TOM1L1: variants seen among roughly 807,000 people sequenced by gnomAD.
The protein encoded by TOM1L1 is target of myb1 like 1 membrane trafficking protein.
In TOM1L1, 64 loss-of-function variants were observed where a neutral mutation model predicts 63.4. That is an observed-to-expected ratio of 1.01 (90% CI 0.83 to 1.24). The LOEUF (loss-of-function observed/expected upper bound fraction) is 1.24, where lower values mean the gene tolerates loss of function less well. Among genes scored for constraint, TOM1L1 ranks in the 50% most tolerant of loss-of-function variants. The probability of loss-of-function intolerance (pLI) is 0.00; values close to 1 mark genes in which losing one functional copy is unlikely to be tolerated. For synonymous variants in TOM1L1, 166 were observed against 194.4 expected, an observed-to-expected ratio of 0.85 and a Z score of 1.22; for missense variants, 536 against 567.0, an observed-to-expected ratio of 0.95 and a Z score of 0.55.
intron 7 of TOM1L1, chr17:54,916,124 G>C (rs1013070688): frequency 2.4e-6 from 1 of 417,272 alleles, no homozygotes; most frequent in Non-Finnish European, 4.2e-6. Flanking sequence ...CAATTCTCTA[G>C]TTGTTTTAAG....
chr17:54,930,233 C>G (rs1311329806), intron 8 of TOM1L1, 27 bp downstream of exon 8: 2 of 1,612,838 alleles, frequency 1.2e-6, no homozygotes, highest in Non-Finnish European at 1.7e-6. Context: ...CCCTCTTTAC[C>G]CCTCTTCCAT....
chr17:54,938,745 G>A (rs2048990751), intron 10 of TOM1L1, 179 bp from the exon 11 acceptor site: 1 of 488,132 alleles, frequency 2.0e-6, no homozygotes, highest in Non-Finnish European at 3.6e-6. Context: ...TTCTCTTAGA[G>A]CTAGGAAATC....
chr17:54,912,145 C>T (rs996633248), intron 3 of TOM1L1, among the ~76,000 whole-genome samples: 28 of 152,284 alleles, frequency 1.8e-4, no homozygotes, highest in Non-Finnish European at 7.4e-5. Flanking sequence ...TTTTGCAAAG[C>T]CCAGCTTCCA....
intron 10 of TOM1L1, 138 bp from the exon 11 acceptor site, chr17:54,938,786 A>G: frequency 1.9e-6 from 1 of 526,692 alleles, no homozygotes; most frequent in South Asian, 3.0e-5. Context: ...AAATATCTAA[A>G]TTAATCTCTT....
intron 3 of TOM1L1, chr17:54,906,649 G>A (rs764335290): frequency 3.0e-5 from 16 of 525,870 alleles, no homozygotes; most frequent in South Asian, 8.3e-5. Flanking sequence ...GCTGCCTGGC[G>A]TGATTTGGAG....
At chr17:54,940,358 C>T (rs935635302) in intron 11 of TOM1L1, among the ~76,000 whole-genome samples, 1 of 152,188 alleles carries the variant, frequency 6.6e-6, no homozygotes, top group African/African-American at 2.4e-5. Context: ...TCATAACATA[C>T]TTTGTTGGCT....
chr17:54,958,893 G>A (rs762066293), intron 14 of TOM1L1, among the ~76,000 whole-genome samples: 1 of 152,120 alleles, frequency 6.6e-6, no homozygotes, highest in Non-Finnish European at 1.5e-5. Flanking sequence ...TAGAAGGAGA[G>A]GTTGAAGACT....
chr17:54,954,824 G>A (rs968425342), intron 14 of TOM1L1: 1 of 152,130 alleles, frequency 6.6e-6, no homozygotes, highest in Admixed American at 6.5e-5. Context: ...TTTGATAGAG[G>A]GCCATAAAAC....
At chr17:54,929,593 G>C (rs906212795) in intron 7 of TOM1L1, among the ~76,000 whole-genome samples, 18 of 152,072 alleles carry the variant, frequency 1.2e-4, no homozygotes, top group Admixed American at 9.2e-4. Context: ...TGCTAATAAT[G>C]CAATAACATT....
chr17:54,952,640 C>A (rs142773909), intron 14 of TOM1L1: 1 of 151,928 alleles, frequency 6.6e-6, no homozygotes, highest in African/African-American at 2.4e-5. Context: ...CTTCCTATTT[C>A]CCCTGAGGTA....
intron 14 of TOM1L1, 96 bp downstream of exon 14, chr17:54,950,222 G>T: frequency 1.1e-6 from 1 of 900,370 alleles, no homozygotes; most frequent in East Asian, 2.7e-5. Flanking sequence ...CTTTGTTTAG[G>T]TCTTGGCAGA....
At chr17:54,925,053 T>C (rs1431686680) in intron 7 of TOM1L1, among the ~76,000 whole-genome samples, 2 of 152,250 alleles carry the variant, frequency 1.3e-5, no homozygotes, top group Non-Finnish European at 2.9e-5. Flanking sequence ...ACTCTAAAGA[T>C]GTGTTTTTAT....
intron 6 of TOM1L1, among the ~76,000 whole-genome samples, chr17:54,915,336 C>G (rs1449982686): frequency 6.6e-6 from 1 of 151,954 alleles, no homozygotes; most frequent in Non-Finnish European, 1.5e-5. Context: ...TCTTTAATAC[C>G]ATGAGAACTG....
At chr17:54,933,480 C>G (rs918383201) in intron 8 of TOM1L1, among the ~76,000 whole-genome samples, 5 of 152,208 alleles carry the variant, frequency 3.3e-5, no homozygotes, top group African/African-American at 1.2e-4. Flanking sequence ...CACAGGAGGT[C>G]CTGACAACAT....
At chr17:54,944,317 G>T (rs967722300) in intron 11 of TOM1L1, among the ~76,000 whole-genome samples, 1 of 151,986 alleles carries the variant, frequency 6.6e-6, no homozygotes, top group Admixed American at 6.6e-5. Flanking sequence ...GGGCGTGGTG[G>T]TGCGCATCTG....
At position 54,930,100 on chromosome 17, in the gene TOM1L1, C is replaced by A. The variant is rs371016437; in HGVS notation, c.748C>A (p.Gln250Lys). The change falls in exon 8 of 16, where the codon CAG becomes AAG. Residue 250 changes from glutamine to lysine, a missense_variant. Transcript: ENST00000575882. ...QKLYKTGREM[Q>K]ERIMDLLVVV... is the part of the protein sequence containing the mutation. ...ACTCTATAAAACAGGTCGGGAGATG[C>A]AGGAGAGGATCATGGACCTGCTTGT... The A allele has an allele frequency of 1.5e-5, 25 of 1,614,064 alleles. No homozygotes were observed. Among genetic ancestry groups the A allele is most frequent in the Non-Finnish European group, 1.4e-5 (17 of 1,179,998 alleles).
At chr17:54,908,367 A>T (rs575221242) in intron 3 of TOM1L1, among the ~76,000 whole-genome samples, 40 of 152,220 alleles carry the variant, frequency 2.6e-4, no homozygotes, top group Non-Finnish European at 5.6e-4. Flanking sequence ...TTGCAGAGGT[A>T]TGCTTAAGGC....
At chr17:54,908,848 TGTGG>T (rs931441984) in intron 3 of TOM1L1, among the ~76,000 whole-genome samples, 8 of 152,226 alleles carry the variant, frequency 5.3e-5, no homozygotes, top group African/African-American at 1.9e-4. Context: ...AATAGGCCTT[TGTGG>T]AGCACCCCCT....
At chr17:54,925,582 C>T (rs1038382127) in intron 7 of TOM1L1, among the ~76,000 whole-genome samples, 1 of 152,264 alleles carries the variant, frequency 6.6e-6, no homozygotes, top group South Asian at 2.1e-4. Context: ...CACCAGTGAC[C>T]ACAGTCTTAT....
Sources: allele counts gnomAD v4.1 joint callset (sites outside exome capture counted in the v4.1 genomes callset), GRCh38; gene constraint gnomAD v4.1.1; transcripts MANE v1.5; gene names NCBI Gene and HGNC (gene_info 2026-07-23, HGNC 2026-07-21).